Variants in ITGB8 observed in about 807,000 individuals in gnomAD.
The protein encoded by ITGB8 is integrin beta-8.
A neutral mutation model predicts 89.5 loss-of-function variants in ITGB8; 30 were observed. That is an observed-to-expected ratio of 0.34 (90% CI 0.25 to 0.45). ITGB8 has a LOEUF of 0.45. Ranked by LOEUF, ITGB8 falls within the 20% of genes least tolerant of loss-of-function variation. The pLI is 1.00. For synonymous variants in ITGB8, 335 were observed against 320.4 expected (o/e 1.05, Z -0.49); for missense variants, 836 against 933.3 (o/e 0.90, Z 1.36).
In ITGB8 at chr7:20,394,934, AAT is replaced by A; in HGVS notation, c.1097_1098del (p.Ile366ArgfsTer9). 6.2e-7 allele frequency: 1 copy of A among 1,613,770 alleles called. No individual in the cohort carries two copies. ...TCTTGCCAGGCACCATTGCTGGTGA[AAT>A]AGAATCAAAGGCTGCAAACCTCAAT... The part of the protein sequence containing the change: ...PLLPGTIAGE[I>X]ESKAANLNNL... On this transcript the variant is annotated frameshift_variant, in exon 8 of 14. Transcript: ENST00000222573. LOFTEE classifies it high-confidence loss of function.
At position 20,398,999 on chromosome 7, in the gene ITGB8, G is replaced by A; in HGVS notation, c.1281+5G>A. 6.2e-7 allele frequency: 1 copy of A among 1,608,904 alleles called. No homozygotes were observed. Among genetic ancestry groups the A allele is most frequent in the Non-Finnish European group, 8.5e-7 (1 of 1,178,214 alleles). ...AACGTGACGAGCAATGATGAAGTAT[G>A]TGGGTGTGCATTTTTCCCTTTTAAA... On this transcript the variant is annotated splice_donor_5th_base_variant and intron_variant, in intron 9 of 13. Transcript: ENST00000222573.
chr7:20,351,170 T>G (rs1785101489), intron 1 of ITGB8, among the ~76,000 whole-genome samples: 1 of 152,236 alleles, frequency 6.6e-6, no homozygotes. Flanking sequence ...TTAAAGAATT[T>G]TCTGGAGGTA....
intron 1 of ITGB8, among the ~76,000 whole-genome samples, chr7:20,337,792 A>T (rs1755495786): frequency 1.3e-5 from 2 of 152,194 alleles, no homozygotes; most frequent in South Asian, 2.1e-4. Context: ...GACCTCAACC[A>T]TGGGCAGGGA....
chr7:20,405,993 T>C, intron 11 of ITGB8, 69 bp from the exon 12 acceptor site: 1 of 921,204 alleles, frequency 1.1e-6, no homozygotes, highest in East Asian at 2.4e-5. Flanking sequence ...TTTTTTTTTC[T>C]TGCAGAAAAT....
At position 20,398,908 on chromosome 7, in the gene ITGB8, A is replaced by T. The variant is rs1196735902; in HGVS notation, c.1195A>T (p.Ile399Phe). ...TCAGGTGGAAAACCAGGTACAAGGC[A>T]TCTATTTTAACATTACCGCCATCTG... is the stretch of plus-strand genomic sequence containing the variant. The part of the protein sequence containing the change: ...KVQVENQVQG[I>F]YFNITAICPD... The change falls in exon 9 of 14, where the codon ATC becomes TTC. Residue 399 changes from isoleucine (I) to phenylalanine (F), a missense_variant. Ile to Phe is a conservative substitution (Grantham distance 21, BLOSUM62 0). Around this residue, in one of 5 missense-constraint regions of ITGB8, gnomAD observed 192 missense variants for 267.1 expected, o/e 0.72. Transcript: ENST00000222573. 6.2e-7 allele frequency: 1 copy of T among 1,605,854 alleles called. No homozygotes were observed.
At chr7:20,367,794 G>A (rs1785762236) in intron 3 of ITGB8, among the ~76,000 whole-genome samples, 2 of 152,056 alleles carry the variant, frequency 1.3e-5, no homozygotes, top group Non-Finnish European at 1.5e-5. Context: ...TACCTCTTTT[G>A]TACTTCCCCT....
intron 1 of ITGB8, among the ~76,000 whole-genome samples, chr7:20,339,488 A>G (rs983633564): frequency 2.6e-5 from 4 of 152,224 alleles, no homozygotes; most frequent in African/African-American, 9.6e-5. Context: ...TTTAATTAAA[A>G]CAGACCCACC....
intron 6 of ITGB8, 66 bp from the exon 7 acceptor site, chr7:20,391,337 T>C (rs3779506): frequency 0.82 from 626,580 of 762,022 alleles, 258,706 homozygotes; most frequent in Middle Eastern, 0.9. Flanking sequence ...TTTCTTCATA[T>C]TAGATGTTTG....
At chr7:20,394,033 G>T (rs1786971626) in intron 7 of ITGB8, among the ~76,000 whole-genome samples, 1 of 152,212 alleles carries the variant, frequency 6.6e-6, no homozygotes, top group Admixed American at 6.5e-5. Flanking sequence ...AGTGTATAAA[G>T]TAGGAGCTCA....
upstream of ITGB8, among the ~76,000 whole-genome samples, chr7:20,330,294 G>A (rs1465124368): frequency 6.6e-6 from 1 of 152,248 alleles, no homozygotes. Context: ...CTAACTGCAA[G>A]CAAAGTGCTG....
intron 1 of ITGB8, among the ~76,000 whole-genome samples, chr7:20,358,306 A>T (rs1352894669): frequency 1.3e-5 from 2 of 152,116 alleles, no homozygotes; most frequent in African/African-American, 4.8e-5. Context: ...ATGTGACATA[A>T]AACTGCCCCA....
intron 3 of ITGB8, among the ~76,000 whole-genome samples, chr7:20,368,661 G>A (rs1180643250): frequency 1.3e-5 from 2 of 152,074 alleles, no homozygotes; most frequent in South Asian, 4.1e-4. Context: ...TCTTAAAAAT[G>A]TCTTACTCTT....
chr7:20,350,578 A>G (rs1190230814), intron 1 of ITGB8, among the ~76,000 whole-genome samples: 1 of 152,198 alleles, frequency 6.6e-6, no homozygotes, highest in Non-Finnish European at 1.5e-5. Context: ...GTTGCACTCT[A>G]CTTTTCAAAC....
intron 6 of ITGB8, among the ~76,000 whole-genome samples, chr7:20,385,235 C>A (rs988761380): frequency 6.6e-6 from 1 of 152,158 alleles, no homozygotes; most frequent in African/African-American, 2.4e-5. Flanking sequence ...GGAGGTCATC[C>A]AATGAACCTT....
At position 20,413,460 on chromosome 7, in the gene ITGB8, T is replaced by C. The variant is rs1206979457; in HGVS notation, c.*3463T>C. The C allele has an allele frequency of 6.6e-6, 1 of 152,564 alleles. No individual in the cohort carries two copies. The highest frequency in any genetic ancestry group is 1.5e-5 in the Non-Finnish European group (1 of 67,968). 9.5% of individuals were successfully genotyped at this position (152,564 alleles called of 1,614,324 possible). A position where few individuals can be genotyped will look rare whatever the true frequency, so the allele number is the denominator to read the frequency against. ...TTATGATAGATTATGAAGAATTTTC[T>C]CTGTAGAATTATATTCTTCCTGGAA... On this transcript the variant is annotated 3_prime_UTR_variant, in exon 14 of 14. Transcript: ENST00000222573.
intron 12 of ITGB8, among the ~76,000 whole-genome samples, chr7:20,407,581 C>T (rs1280532496): frequency 6.6e-6 from 1 of 152,138 alleles, no homozygotes; most frequent in Non-Finnish European, 1.5e-5. Flanking sequence ...AGTTTTGTTT[C>T]CTTTTTCCCT....
At chr7:20,385,185 T>C (rs1482593334) in intron 6 of ITGB8, among the ~76,000 whole-genome samples, 1 of 152,168 alleles carries the variant, frequency 6.6e-6, no homozygotes, top group South Asian at 2.1e-4. Context: ...AGCATGAAGG[T>C]CTTCAGTAAC....
At chr7:20,360,776 T>G (rs1461410426) in intron 1 of ITGB8, among the ~76,000 whole-genome samples, 1 of 152,120 alleles carries the variant, frequency 6.6e-6, no homozygotes, top group Non-Finnish European at 1.5e-5. Flanking sequence ...TGATTCCATA[T>G]GTTTGCCATT....
At chr7:20,370,156 G>A (rs1231930200) in intron 3 of ITGB8, among the ~76,000 whole-genome samples, 1 of 151,812 alleles carries the variant, frequency 6.6e-6, no homozygotes, top group Non-Finnish European at 1.5e-5. Flanking sequence ...CAGAGAACCA[G>A]AGAGCTGGTT....
Sources: gnomAD v4.1 joint callset for allele counts (sites outside exome capture counted in the v4.1 genomes callset) on GRCh38, gnomAD v4.1.1 for gene constraint, gnomAD v4.1.1 regional missense constraint, MANE v1.5 for transcripts, NCBI Gene and HGNC (gene_info 2026-07-23, HGNC 2026-07-21) for gene names.